Variants in NCAPD3 observed in about 807,000 individuals in gnomAD.
The protein encoded by NCAPD3 is condensin-2 complex subunit D3.
A neutral mutation model predicts 182.9 loss-of-function variants in NCAPD3; 105 were observed. The observed-to-expected ratio is 0.57, with a 90% CI of 0.49 to 0.68. NCAPD3 has a LOEUF of 0.68. NCAPD3 is among the 30% of genes least tolerant of loss of function. NCAPD3 has a pLI of 0.00. For synonymous variants in NCAPD3, 815 were observed against 679.9 expected, an observed-to-expected ratio of 1.20 and a Z score of -3.09; for missense variants, 1,944 against 1,837.0, an observed-to-expected ratio of 1.06 and a Z score of -1.07.
chr11:134,195,012 T>C (rs1239770856), intron 13 of NCAPD3, among the ~76,000 whole-genome samples: 3 of 152,262 alleles, frequency 2.0e-5, no homozygotes, highest in Admixed American at 6.5e-5. Context: ...CCATTTTGTT[T>C]AGCTACAAAT....
rs372320106 is a variant in NCAPD3 at position 134,176,316 on chromosome 11, T to C, written c.3092A>G (p.Asp1031Gly). 3.1e-6 allele frequency: 5 copies of C among 1,613,666 alleles called. No individual in the cohort carries two copies. In the Admixed American group the frequency reaches 6.7e-5, roughly 22 times the overall value. The change falls in exon 24 of 35, where the codon GAC becomes GGC. Residue 1031 changes from aspartate (D) to glycine (G), a missense_variant. Around this residue, in one of 3 missense-constraint regions of NCAPD3, gnomAD observed 1,803 missense variants for 1,674.6 expected, o/e 1.08. Coordinates refer to ENST00000534548, the MANE Select transcript of NCAPD3 (RefSeq NM_015261.3). ...TGAGGAAAAGATTTACCTGGCAATG[T>C]CTGGGTGTGAATCGATCAGAGTGCT... is the stretch of plus-strand genomic sequence containing the variant. The part of the protein sequence containing the change: ...FVSTLIDSHP[D>G]IASFGEFCLA...
intron 29 of NCAPD3, 69 bp downstream of exon 29, chr11:134,159,823 C>G (rs949386029): frequency 6.7e-7 from 1 of 1,485,884 alleles, no homozygotes; most frequent in Non-Finnish European, 9.0e-7. Flanking sequence ...AGGTGCCAGA[C>G]AAACGACAGA....
chr11:134,188,581 C>G (rs950186093), intron 16 of NCAPD3, among the ~76,000 whole-genome samples: 8 of 152,166 alleles, frequency 5.3e-5, no homozygotes, highest in Non-Finnish European at 1.0e-4. Flanking sequence ...GACAAACCCA[C>G]CAGGAGGAAC....
At chr11:134,162,475 C>T (rs1377788873) in intron 27 of NCAPD3, among the ~76,000 whole-genome samples, 2 of 152,138 alleles carry the variant, frequency 1.3e-5, no homozygotes, top group Non-Finnish European at 2.9e-5. Flanking sequence ...CAAATATTCT[C>T]CAGTGAATCT....
chr11:134,167,009 G>C (rs1269812270), intron 27 of NCAPD3, among the ~76,000 whole-genome samples: 1 of 113,328 alleles, frequency 8.8e-6, no homozygotes, highest in Non-Finnish European at 1.7e-5. Flanking sequence ...TAGGGGAGCT[G>C]CACACTCACT....
rs750469595 is a variant in NCAPD3, at chr11:134,220,685, C to T, written c.106G>A (p.Glu36Lys). 7 of 1,614,100 alleles carry T rather than the reference C, an allele frequency of 4.3e-6. No individual in the cohort carries two copies. Among genetic ancestry groups the T allele is most frequent in the Non-Finnish European group, 5.9e-6 (7 of 1,179,960 alleles). ...GCTTCTATGCTGGGATCCAAAGGCTCAGTCTCTGTGAAATCCAGTTCCCAC... is the reference window on the plus strand; with the variant it reads ...GCTTCTATGCTGGGATCCAAAGGCTTAGTCTCTGTGAAATCCAGTTCCCAC... ...TVWELDFTET[E>K]PLDPSIEAEI... is the part of the protein sequence containing the mutation. The change falls in exon 2 of 35, where the codon GAG becomes AAG. Residue 36 changes from glutamate to lysine, a missense_variant. Coordinates refer to ENST00000534548, the MANE Select transcript of NCAPD3 (RefSeq NM_015261.3).
At chr11:134,164,961 A>T (rs1263675546) in intron 27 of NCAPD3, among the ~76,000 whole-genome samples, 1 of 146,250 alleles carries the variant, frequency 6.8e-6, no homozygotes, top group African/African-American at 2.6e-5. Context: ...TTGTGACATA[A>T]GCTTAGGGGA....
At chr11:134,198,772 T>C (rs773635000) in intron 13 of NCAPD3, among the ~76,000 whole-genome samples, 3 of 152,154 alleles carry the variant, frequency 2.0e-5, no homozygotes, top group Non-Finnish European at 4.4e-5. Flanking sequence ...GGACAGAAGA[T>C]CAATTATCAA....
At chr11:134,216,495 G>A (rs1404486811) in intron 3 of NCAPD3, among the ~76,000 whole-genome samples, 2 of 152,178 alleles carry the variant, frequency 1.3e-5, no homozygotes, top group East Asian at 3.9e-4. Context: ...TCTCCTTCAA[G>A]TATTACTAGC....
At chr11:134,174,469 A>C (rs180986331) in intron 24 of NCAPD3, among the ~76,000 whole-genome samples, 1 of 151,786 alleles carries the variant, frequency 6.6e-6, no homozygotes, top group Non-Finnish European at 1.5e-5. Flanking sequence ...AAAAATCAAA[A>C]GTCAGGCACA....
intron 20 of NCAPD3, 118 bp from the exon 21 acceptor site, chr11:134,179,054 T>C (rs1944234533): frequency 4.4e-6 from 3 of 687,710 alleles, no homozygotes; most frequent in South Asian, 4.0e-5. Context: ...ACAATGTTAC[T>C]AGTTTTCGTT....
intron 10 of NCAPD3, 23 bp from the exon 11 acceptor site, chr11:134,203,929 A>C: frequency 6.2e-7 from 1 of 1,609,792 alleles, no homozygotes; most frequent in Non-Finnish European, 8.5e-7. Flanking sequence ...GATCATAAGA[A>C]TTGCCATCAG....
chr11:134,181,498 A>T (rs1944296782), intron 19 of NCAPD3, among the ~76,000 whole-genome samples: 1 of 152,250 alleles, frequency 6.6e-6, no homozygotes, highest in African/African-American at 2.4e-5. Flanking sequence ...GATCTATAAT[A>T]GTAGTGCTCC....
In NCAPD3 at chr11:134,179,909, A is replaced by G. The variant is rs563278058; in HGVS notation, c.2560-973T>C. ...TGAAATACTGTATCTCTTCATTAAAAAAATATTTAAGTTCTATTTAAAGAA... is the reference window on the plus strand; with the variant it reads ...TGAAATACTGTATCTCTTCATTAAAGAAATATTTAAGTTCTATTTAAAGAA... On this transcript the variant is annotated intron_variant, in intron 20 of 34. Transcript: ENST00000534548. 2.0e-5 allele frequency among the ~76,000 whole-genome samples: 3 copies of G among 152,332 alleles called. No homozygotes were observed. In the East Asian group the frequency reaches 5.8e-4, roughly 29 times the overall value.
At position 134,184,919 on chromosome 11, in the gene NCAPD3, G is replaced by A. The variant is rs375365882; in HGVS notation, c.2319C>T (p.Thr773=). 49 of 1,612,052 alleles carry A rather than the reference G, an allele frequency of 3.0e-5. No individual in the cohort carries two copies. Among genetic ancestry groups the A allele is most frequent in the Non-Finnish European group, 3.9e-5 (46 of 1,178,612 alleles). Reference sequence around the variant, plus strand: ...GACACTCACCAGTCACTTTGTCCCGGGTGCTCTTAGGAAGATGCTTTGCAA... The same window carrying A: ...GACACTCACCAGTCACTTTGTCCCGAGTGCTCTTAGGAAGATGCTTTGCAA... The part of the protein sequence containing the change: ...GHIAKHLPKS[T]RDKVTDAVKC... The change falls in exon 18 of 35, where the codon ACC becomes ACT. Residue 773 remains threonine, a synonymous_variant. Coordinates refer to ENST00000534548, the MANE Select transcript of NCAPD3 (RefSeq NM_015261.3).
intron 28 of NCAPD3, among the ~76,000 whole-genome samples, chr11:134,161,102 G>A (rs1005080219): frequency 1.3e-5 from 2 of 151,878 alleles, no homozygotes; most frequent in Admixed American, 6.6e-5. Flanking sequence ...AATTTTTGTT[G>A]AGGCCTTTAT....
At chr11:134,223,301 T>C (rs1424889763) in intron 1 of NCAPD3, 5 of 629,140 alleles carry the variant, frequency 7.9e-6, no homozygotes, top group African/African-American at 7.3e-5. Context: ...GCATCAGGAA[T>C]GGAGCGGGGC....
chr11:134,167,241 C>T (rs567267546), intron 27 of NCAPD3, among the ~76,000 whole-genome samples: 1 of 135,632 alleles, frequency 7.4e-6, no homozygotes, highest in South Asian at 2.5e-4. Flanking sequence ...GGGGGAGGCG[C>T]ACACTCGTGA....
chr11:134,177,544 GCTT>G, intron 22 of NCAPD3, 87 bp from the exon 23 acceptor site: 1 of 1,177,374 alleles, frequency 8.5e-7, no homozygotes, highest in Non-Finnish European at 1.2e-6. Context: ...CTTGCTAATG[GCTT>G]CTATTTCATC....
Sources: allele counts gnomAD v4.1 joint callset (sites outside exome capture counted in the v4.1 genomes callset), GRCh38; gene constraint gnomAD v4.1.1; regional missense constraint gnomAD v4.1.1; transcripts MANE v1.5; gene names NCBI Gene and HGNC (gene_info 2026-07-23, HGNC 2026-07-21).